Variants in XKR9 observed in about 807,000 individuals in gnomAD.
The protein encoded by XKR9 is XK related 9, also known as XK-related protein 9.
Under a neutral mutation model 32.0 loss-of-function variants are expected in XKR9, and 32 were observed. That is an observed-to-expected ratio of 1.00 (90% CI 0.76 to 1.34). The LOEUF is 1.34. XKR9 is among the 40% of genes most tolerant of loss of function. The probability of loss-of-function intolerance (pLI) is 0.00; values close to 1 mark genes in which losing one functional copy is unlikely to be tolerated. For synonymous variants in XKR9, 168 were observed against 143.4 expected, an observed-to-expected ratio of 1.17 and a Z score of -1.22; for missense variants, 546 against 429.7, an observed-to-expected ratio of 1.27 and a Z score of -2.39.
downstream of XKR9, among the ~76,000 whole-genome samples, chr8:70,737,142 A>C (rs1333292099): frequency 6.9e-6 from 1 of 145,096 alleles, no homozygotes; most frequent in East Asian, 1.9e-4. Flanking sequence ...CTTTTATTTC[A>C]CTGAGCAGTG....
intron 2 of XKR9, among the ~76,000 whole-genome samples, chr8:70,778,150 A>G (rs531811994): frequency 1.3e-5 from 2 of 152,100 alleles, no homozygotes; most frequent in African/African-American, 4.8e-5. Flanking sequence ...AGGAAGGGAT[A>G]CAGTTTCAGC....
At chr8:70,678,625 A>G (rs1283792603) in intron 2 of XKR9, among the ~76,000 whole-genome samples, 1 of 152,198 alleles carries the variant, frequency 6.6e-6, no homozygotes, top group East Asian at 1.9e-4. Context: ...TCATGTTAGC[A>G]TAAGAAACCT....
At chr8:71,058,361 A>C in the XKR9 span, among the ~76,000 whole-genome samples, 1 of 152,158 alleles carries the variant, frequency 6.6e-6, no homozygotes, top group Admixed American at 6.5e-5. Flanking sequence ...AAGTAGGGTT[A>C]GTCTGGGACA....
At chr8:70,990,769 AAGAG>A in the XKR9 span, among the ~76,000 whole-genome samples, 3 of 103,950 alleles carry the variant, frequency 2.9e-5, no homozygotes, top group South Asian at 3.4e-4. Context: ...GAGAGAGAGA[AAGAG>A]AGAGAGAGAG....
chr8:70,844,960 C>G, the XKR9 span, among the ~76,000 whole-genome samples: 4 of 152,334 alleles, frequency 2.6e-5, no homozygotes, highest in East Asian at 7.7e-4. Flanking sequence ...CCCAAGCAAG[C>G]TCTCCAGAGG....
chr8:70,720,661 G>A (rs1268830293), intron 4 of XKR9, among the ~76,000 whole-genome samples: 1 of 152,094 alleles, frequency 6.6e-6, no homozygotes, highest in Non-Finnish European at 1.5e-5. Flanking sequence ...ACTTGATCGT[G>A]GTAGATAAGC....
chr8:71,002,383 T>C, the XKR9 span, among the ~76,000 whole-genome samples: 63 of 106,130 alleles, frequency 5.9e-4, no homozygotes, highest in African/African-American at 1.8e-3. Flanking sequence ...TTGTTTTTTT[T>C]CCGAAATAAT....
At chr8:71,032,482 G>A in the XKR9 span, among the ~76,000 whole-genome samples, 1 of 151,960 alleles carries the variant, frequency 6.6e-6, no homozygotes, top group Non-Finnish European at 1.5e-5. Context: ...TCTGACAGCT[G>A]CAGCAAACAG....
At chr8:70,833,312 A>T in the XKR9 span, among the ~76,000 whole-genome samples, 2 of 152,210 alleles carry the variant, frequency 1.3e-5, no homozygotes, top group African/African-American at 4.8e-5. Flanking sequence ...TGAACAAATA[A>T]CAAAATGTCA....
the XKR9 span, among the ~76,000 whole-genome samples, chr8:71,024,611 G>A: frequency 6.6e-6 from 1 of 152,176 alleles, no homozygotes; most frequent in Admixed American, 6.5e-5. Context: ...ACTCCAGGGA[G>A]CTCCTTATAC....
At chr8:70,783,492 A>G (rs1807644166) in intron 2 of XKR9, among the ~76,000 whole-genome samples, 1 of 152,028 alleles carries the variant, frequency 6.6e-6, no homozygotes, top group Non-Finnish European at 1.5e-5. Context: ...CAAAGTGTGT[A>G]TGTCTTCTTT....
chr8:70,874,594 A>G, the XKR9 span, among the ~76,000 whole-genome samples: 1 of 152,178 alleles, frequency 6.6e-6, no homozygotes, highest in African/African-American at 2.4e-5. Context: ...TATTTATTTG[A>G]CTAATTCTTT....
At chr8:70,777,901 G>A (rs1807555165) in intron 2 of XKR9, among the ~76,000 whole-genome samples, 1 of 152,124 alleles carries the variant, frequency 6.6e-6, no homozygotes, top group Non-Finnish European at 1.5e-5. Context: ...CATTCTGTAG[G>A]TTGCCTGTTC....
At chr8:70,768,764 T>C (rs1341665320) in intron 2 of XKR9, among the ~76,000 whole-genome samples, 1 of 152,000 alleles carries the variant, frequency 6.6e-6, no homozygotes, top group East Asian at 1.9e-4. Context: ...TTTTTTTTTT[T>C]TTGATTTACA....
the XKR9 span, among the ~76,000 whole-genome samples, chr8:71,054,841 A>C: frequency 6.6e-6 from 1 of 152,222 alleles, no homozygotes; most frequent in Non-Finnish European, 1.5e-5. Flanking sequence ...GGTGTTGCTA[A>C]AGTTGAAACA....
chr8:70,704,122 C>T (rs1805637387), intron 3 of XKR9, among the ~76,000 whole-genome samples: 1 of 152,012 alleles, frequency 6.6e-6, no homozygotes, highest in South Asian at 2.1e-4. Context: ...GTGGAGCTTG[C>T]AGTGAGCAGA....
At chr8:70,685,294 A>G (rs1366425914) in intron 3 of XKR9, among the ~76,000 whole-genome samples, 4 of 137,912 alleles carry the variant, frequency 2.9e-5, no homozygotes, top group African/African-American at 5.6e-5. Context: ...GAATTGAACA[A>G]TGAGAACACA....
chr8:70,695,571 C>T (rs1364736240), intron 3 of XKR9, among the ~76,000 whole-genome samples: 1 of 151,816 alleles, frequency 6.6e-6, no homozygotes, highest in Admixed American at 6.6e-5. Context: ...TTAATCCAGT[C>T]TATCATTGTT....
intron 3 of XKR9, among the ~76,000 whole-genome samples, chr8:70,700,582 G>T (rs988046575): frequency 7.9e-5 from 12 of 152,182 alleles, no homozygotes; most frequent in South Asian, 2.1e-4. Flanking sequence ...TGAGGTGTCA[G>T]TCTGCCCCTA....
Sources: gnomAD v4.1 joint callset for allele counts (sites outside exome capture counted in the v4.1 genomes callset) on GRCh38, gnomAD v4.1.1 for gene constraint, MANE v1.5 for transcripts, NCBI Gene and HGNC (gene_info 2026-07-23, HGNC 2026-07-21) for gene names.